Variants in PPP2R5E observed in about 807,000 individuals in gnomAD.
PPP2R5E encodes the protein protein phosphatase 2 regulatory subunit B'epsilon.
Under a neutral mutation model 65.3 loss-of-function variants are expected in PPP2R5E, and 4 were observed. The ratio of observed to expected loss-of-function variants is 0.06; its 90% CI spans 0.03 to 0.14. The LOEUF (loss-of-function observed/expected upper bound fraction) is 0.14. Ranked by LOEUF, PPP2R5E falls within the 10% of genes least tolerant of loss-of-function variation. PPP2R5E has a pLI of 1.00. For missense variants in PPP2R5E, 274 were observed against 556.1 expected (o/e 0.49, Z 5.10); for synonymous variants, 183 against 187.4 (o/e 0.98, Z 0.19).
Position 63,382,057 on chromosome 14 carries a change from G to A in PPP2R5E, c.1303C>T (p.Arg435Cys). 2 of 1,608,510 alleles carry A rather than the reference G, an allele frequency of 1.2e-6. No individual in the cohort carries two copies. The highest frequency in any genetic ancestry group is 2.2e-5 in the East Asian group (1 of 44,744). ...LTATYKSDRQ[R>C]EKKKEKEREE... Reference sequence around the variant, plus strand: ...GACAAAAAAGCTTTAAAAAGTTACCGCTGACGATCTGACTTGTATGTGGCT... The same window carrying A: ...GACAAAAAAGCTTTAAAAAGTTACCACTGACGATCTGACTTGTATGTGGCT... Residue 435 changes from arginine to cysteine, a missense_variant and splice_region_variant, in exon 13 of 14, where the codon CGT (arginine) becomes TGT (cysteine). Around this residue, in one of 6 missense-constraint regions of PPP2R5E, gnomAD observed 129 missense variants for 254.9 expected, o/e 0.51. Coordinates refer to ENST00000337537, the MANE Select transcript of PPP2R5E (RefSeq NM_006246.5).
intron 5 of PPP2R5E, among the ~76,000 whole-genome samples, chr14:63,408,424 A>G (rs1452001150): frequency 6.6e-6 from 1 of 152,140 alleles, no homozygotes; most frequent in African/African-American, 2.4e-5. Context: ...TTTATTTGGT[A>G]CATCTTCTTA....
At position 63,488,633 on chromosome 14, in the gene PPP2R5E, G is replaced by A. The variant is rs77305206; in HGVS notation, c.158-34748C>T. On this transcript the variant is annotated intron_variant, in intron 2 of 13. Coordinates refer to ENST00000337537, the MANE Select transcript of PPP2R5E (RefSeq NM_006246.5). ...GGAGGCTGAGTTGGGCAGATCACTT[G>A]AAGTCAGGAATTTGAGACCAGCGTG... Among the ~76,000 whole-genome samples the A allele has an allele frequency of 6.9e-3, 1,050 of 152,228 alleles. 21 individuals are homozygous for A. The highest frequency in any genetic ancestry group is 0.054 in the East Asian group (281 of 5,178).
intron 2 of PPP2R5E, among the ~76,000 whole-genome samples, chr14:63,488,885 A>G (rs1891143610): frequency 6.6e-6 from 1 of 151,310 alleles, no homozygotes; most frequent in African/African-American, 2.4e-5. Flanking sequence ...ATAAATATAA[A>G]TATAAATTTA....
At chr14:63,464,333 G>C (rs961070694) in intron 2 of PPP2R5E, among the ~76,000 whole-genome samples, 1 of 152,208 alleles carries the variant, frequency 6.6e-6, no homozygotes, top group East Asian at 1.9e-4. Flanking sequence ...TGGGGTTGAA[G>C]GGTACAATGT....
intron 2 of PPP2R5E, among the ~76,000 whole-genome samples, chr14:63,493,439 G>A (rs756007966): frequency 6.9e-6 from 1 of 144,464 alleles, no homozygotes; most frequent in Admixed American, 7.1e-5. Context: ...TCTCTCAAGT[G>A]TCACAACCAG....
chr14:63,512,422 A>G (rs192874244), intron 2 of PPP2R5E, among the ~76,000 whole-genome samples: 1 of 152,356 alleles, frequency 6.6e-6, no homozygotes, highest in Admixed American at 6.5e-5. Context: ...CTGTATTGAA[A>G]GTCTCTGGTA....
At chr14:63,475,371 C>A (rs752176773) in intron 2 of PPP2R5E, among the ~76,000 whole-genome samples, 1 of 152,200 alleles carries the variant, frequency 6.6e-6, no homozygotes, top group Non-Finnish European at 1.5e-5. Flanking sequence ...ACATGACATC[C>A]ATTAGAAGGG....
At chr14:63,410,624 G>A (rs1886342083) in intron 5 of PPP2R5E, among the ~76,000 whole-genome samples, 1 of 152,164 alleles carries the variant, frequency 6.6e-6, no homozygotes, top group Non-Finnish European at 1.5e-5. Context: ...CTCTTAGAAG[G>A]CACCGGGAGC....
chr14:63,505,636 A>G (rs1445955349), intron 2 of PPP2R5E, among the ~76,000 whole-genome samples: 1 of 152,150 alleles, frequency 6.6e-6, no homozygotes, highest in Non-Finnish European at 1.5e-5. Context: ...CACACTCTAC[A>G]ATCTGAATCT....
intron 2 of PPP2R5E, among the ~76,000 whole-genome samples, chr14:63,517,764 A>T (rs1303157506): frequency 6.6e-6 from 1 of 152,208 alleles, no homozygotes; most frequent in South Asian, 2.1e-4. Flanking sequence ...AAATACTTTC[A>T]ATTATTTATT....
chr14:63,443,410 G>T (rs990520487), intron 3 of PPP2R5E, among the ~76,000 whole-genome samples: 1 of 152,162 alleles, frequency 6.6e-6, no homozygotes, highest in Non-Finnish European at 1.5e-5. Flanking sequence ...AGTGTGACAA[G>T]GTTGAACACT....
At chr14:63,380,390 C>T (rs112563629) in intron 13 of PPP2R5E, among the ~76,000 whole-genome samples, 3,561 of 151,926 alleles carry the variant, frequency 0.023, 96 homozygotes, top group African/African-American at 0.065. Context: ...GGGCTGGGCG[C>T]GGTGGCTTAC....
intron 2 of PPP2R5E, among the ~76,000 whole-genome samples, chr14:63,535,583 G>A (rs907966620): frequency 3.3e-5 from 5 of 151,858 alleles, no homozygotes; most frequent in African/African-American, 7.3e-5. Flanking sequence ...TGCACAAAAC[G>A]AGTGGTTATT....
intron 2 of PPP2R5E, among the ~76,000 whole-genome samples, chr14:63,537,110 C>T (rs2139772085): frequency 6.6e-6 from 1 of 152,212 alleles, no homozygotes; most frequent in Middle Eastern, 3.4e-3. Flanking sequence ...AAATTCTTCT[C>T]ATGCATGCTT....
In PPP2R5E at chr14:63,430,381, A is replaced by ACATACATACATG. The variant is rs1412396477; in HGVS notation, c.355-8288_355-8287insCATGTATGTATG. ...TACATACATACATACATGCATGCATACATACATACATACATACATGCATAC... is the reference window on the plus strand; with the variant it reads ...TACATACATACATACATGCATGCATACATACATACATGCATACATACATACATACATGCATAC... On this transcript the variant is annotated intron_variant, in intron 3 of 13. Transcript: ENST00000337537. 1.3e-3 allele frequency among the ~76,000 whole-genome samples: 167 copies of ACATACATACATG among 133,024 alleles called. No individual in the cohort carries two copies. In the East Asian group the frequency reaches 0.016, roughly 13 times the overall value. 87.3% of individuals were successfully genotyped at this position (133,024 alleles called of 152,430 possible). A position where few individuals can be genotyped will look rare whatever the true frequency, so the allele number is the denominator to read the frequency against.
intron 1 of PPP2R5E, among the ~76,000 whole-genome samples, chr14:63,539,991 G>A (rs900498164): frequency 6.6e-6 from 1 of 151,686 alleles, no homozygotes; most frequent in South Asian, 2.1e-4. Context: ...CGGGCATGAT[G>A]GCAGGTGCTT....
intron 2 of PPP2R5E, among the ~76,000 whole-genome samples, chr14:63,532,244 G>A (rs970069210): frequency 1.3e-5 from 2 of 152,074 alleles, no homozygotes; most frequent in African/African-American, 4.8e-5. Context: ...CTAGGAGAAG[G>A]GATGGAAGGA....
intron 5 of PPP2R5E, among the ~76,000 whole-genome samples, chr14:63,402,231 A>G (rs1214847304): frequency 6.6e-6 from 1 of 152,230 alleles, no homozygotes; most frequent in Non-Finnish European, 1.5e-5. Context: ...CCTCAAGAGG[A>G]AAGACCTACA....
At position 63,472,027 on chromosome 14, in the gene PPP2R5E, A is replaced by G. The variant is rs140514811; in HGVS notation, c.158-18142T>C. Among the ~76,000 whole-genome samples the G allele has an allele frequency of 1.6e-3, 248 of 152,332 alleles. 1 individual carries two copies. The highest frequency in any genetic ancestry group is 5.6e-3 in the African/African-American group (234 of 41,580). ...ATTTAAAAGCCCCCTTAGGCTGGGCACAGTGACTCATGCCTGTCATCCCAG... is the reference window on the plus strand; with the variant it reads ...ATTTAAAAGCCCCCTTAGGCTGGGCGCAGTGACTCATGCCTGTCATCCCAG... On this transcript the variant is annotated intron_variant, in intron 2 of 13. Transcript: ENST00000337537.
Sources: allele counts gnomAD v4.1 joint callset (sites outside exome capture counted in the v4.1 genomes callset), GRCh38; gene constraint gnomAD v4.1.1; regional missense constraint gnomAD v4.1.1; transcripts MANE v1.5; gene names NCBI Gene and HGNC (gene_info 2026-07-23, HGNC 2026-07-21).